CNTNAP2: variants seen among roughly 807,000 people sequenced by gnomAD.
The protein encoded by CNTNAP2 is contactin associated protein 2.
A neutral mutation model predicts 155.2 loss-of-function variants in CNTNAP2; 98 were observed. That is an observed-to-expected ratio of 0.63 (90% confidence interval 0.54 to 0.75). The LOEUF is 0.75. Among genes scored for constraint, CNTNAP2 ranks in the 30% least tolerant of loss-of-function variants. The pLI is 0.00. For missense variants in CNTNAP2, 1,727 were observed against 1,688.1 expected (o/e 1.02, Z -0.40); for synonymous variants, 651 against 631.2 (o/e 1.03, Z -0.47).
chr7:146,668,191 A>G (rs1297119513), intron 1 of CNTNAP2, among the ~76,000 whole-genome samples: 1 of 152,066 alleles, frequency 6.6e-6, no homozygotes, highest in Non-Finnish European at 1.5e-5. Flanking sequence ...GGCATATTAC[A>G]TTGTATTAAA....
chr7:148,102,633 C>T lies in CNTNAP2; in HGVS notation c.2384-15485C>T, dbSNP rs142247205. Among the ~76,000 whole-genome samples, 805 of 152,300 alleles carry T rather than the reference C, an allele frequency of 5.3e-3. 3 individuals are homozygous for T. Among genetic ancestry groups the T allele is most frequent in the Non-Finnish European group, 7.6e-3 (516 of 68,036 alleles). ...TATTTAATATTTGATTATCCAAGCACGTACTTTTGTACCACATTCTGCTCA... is the reference window on the plus strand; with the variant it reads ...TATTTAATATTTGATTATCCAAGCATGTACTTTTGTACCACATTCTGCTCA... On this transcript the variant is annotated intron_variant, in intron 15 of 23. Transcript: ENST00000361727.
intron 1 of CNTNAP2, among the ~76,000 whole-genome samples, chr7:146,332,167 A>C (rs1269989058): frequency 2.6e-5 from 4 of 151,760 alleles, no homozygotes; most frequent in Non-Finnish European, 5.9e-5. Context: ...TATATAACTA[A>C]ATTTAAATTT....
At chr7:146,624,697 G>A (rs1364894966) in intron 1 of CNTNAP2, among the ~76,000 whole-genome samples, 1 of 151,776 alleles carries the variant, frequency 6.6e-6, no homozygotes. Context: ...CAGTATTGTA[G>A]CTATTTCATG....
At chr7:147,815,226 A>G (rs548662981) in intron 13 of CNTNAP2, among the ~76,000 whole-genome samples, 36 of 152,334 alleles carry the variant, frequency 2.4e-4, no homozygotes, top group African/African-American at 8.4e-4. Flanking sequence ...CAAACTTATT[A>G]TCTCACACAA....
chr7:146,314,652 T>C (rs1800879142), intron 1 of CNTNAP2, among the ~76,000 whole-genome samples: 1 of 152,062 alleles, frequency 6.6e-6, no homozygotes, highest in Admixed American at 6.6e-5. Context: ...AGCCAGGTGA[T>C]TTAGGAGCCA....
At chr7:146,530,516 CT>C (rs1797755265) in intron 1 of CNTNAP2, among the ~76,000 whole-genome samples, 2 of 152,172 alleles carry the variant, frequency 1.3e-5, no homozygotes, top group South Asian at 2.1e-4. Flanking sequence ...CTATAAGGGG[CT>C]TAAACAAGTT....
intron 21 of CNTNAP2, among the ~76,000 whole-genome samples, chr7:148,292,676 G>T (rs529974775): frequency 6.6e-6 from 1 of 152,268 alleles, no homozygotes; most frequent in Admixed American, 6.5e-5. Flanking sequence ...TGGGGAGGTT[G>T]GGGAGATTCG....
intron 1 of CNTNAP2, among the ~76,000 whole-genome samples, chr7:146,585,142 T>TG (rs1437934740): frequency 6.6e-6 from 1 of 151,910 alleles, no homozygotes; most frequent in Non-Finnish European, 1.5e-5. Context: ...TGTTTTGTTT[T>TG]TTCGGAGTCC....
At chr7:147,531,123 G>A (rs1244432568) in intron 11 of CNTNAP2, among the ~76,000 whole-genome samples, 1 of 152,130 alleles carries the variant, frequency 6.6e-6, no homozygotes, top group African/African-American at 2.4e-5. Context: ...CTCCCCTATG[G>A]CTTTACAGGG....
At chr7:147,790,531 C>T (rs1276256332) in intron 13 of CNTNAP2, among the ~76,000 whole-genome samples, 4 of 152,214 alleles carry the variant, frequency 2.6e-5, no homozygotes, top group South Asian at 2.1e-4. Flanking sequence ...ACGTTCTCTA[C>T]GCTACTCTAT....
intron 15 of CNTNAP2, among the ~76,000 whole-genome samples, chr7:148,078,956 G>C (rs1484520538): frequency 6.6e-6 from 1 of 152,114 alleles, no homozygotes; most frequent in Non-Finnish European, 1.5e-5. Flanking sequence ...TTTGTAGAAG[G>C]GAAAAATGAG....
chr7:146,348,788 T>C (rs1188989763), intron 1 of CNTNAP2, among the ~76,000 whole-genome samples: 1 of 149,362 alleles, frequency 6.7e-6, no homozygotes, highest in African/African-American at 2.4e-5. Flanking sequence ...AAGATGTTTT[T>C]TAAAAAAATT....
intron 9 of CNTNAP2, among the ~76,000 whole-genome samples, chr7:147,348,977 G>A (rs1046833164): frequency 7.2e-5 from 11 of 151,878 alleles, no homozygotes; most frequent in Admixed American, 1.3e-4. Context: ...GGATACTAGA[G>A]GCTGAAAGAG....
At chr7:147,775,415 T>C (rs1424475195) in intron 13 of CNTNAP2, among the ~76,000 whole-genome samples, 1 of 107,518 alleles carries the variant, frequency 9.3e-6, no homozygotes, top group South Asian at 2.6e-4. Context: ...ATATATATAT[T>C]TATATATATA....
chr7:147,886,109 A>G (rs1194935694), intron 13 of CNTNAP2, among the ~76,000 whole-genome samples: 3 of 152,138 alleles, frequency 2.0e-5, no homozygotes, highest in Middle Eastern at 3.2e-3. Context: ...TTAGCTAGCC[A>G]TGTGCCCCAT....
intron 1 of CNTNAP2, among the ~76,000 whole-genome samples, chr7:146,428,427 A>G (rs1308159992): frequency 6.6e-6 from 1 of 151,742 alleles, no homozygotes; most frequent in East Asian, 1.9e-4. Flanking sequence ...TTGACTTTTT[A>G]ATAGTAACCA....
intron 13 of CNTNAP2, among the ~76,000 whole-genome samples, chr7:147,732,792 G>C (rs1307359734): frequency 6.6e-6 from 1 of 152,202 alleles, no homozygotes; most frequent in Non-Finnish European, 1.5e-5. Context: ...GGCCAGTGAT[G>C]ATGAGCATTT....
intron 1 of CNTNAP2, chr7:146,195,297 C>T (rs1197917606): frequency 6.6e-6 from 1 of 152,086 alleles, no homozygotes; most frequent in Admixed American, 6.6e-5. Context: ...TGCCAATGAA[C>T]CAAGGAACAG....
chr7:147,424,635 G>A (rs145045197), intron 10 of CNTNAP2, among the ~76,000 whole-genome samples: 3 of 152,174 alleles, frequency 2.0e-5, no homozygotes, highest in Non-Finnish European at 4.4e-5. Flanking sequence ...CCATCTGTAT[G>A]TTGACTTATC....
Sources: allele counts gnomAD v4.1 joint callset (sites outside exome capture counted in the v4.1 genomes callset), GRCh38; gene constraint gnomAD v4.1.1; transcripts MANE v1.5; gene names NCBI Gene and HGNC (gene_info 2026-07-23, HGNC 2026-07-21).